Variants in TTC34 observed in about 807,000 individuals in gnomAD.
The protein encoded by TTC34 is tetratricopeptide repeat protein 34.
In TTC34, 44 loss-of-function variants were observed where a neutral mutation model predicts 40.7. That is an observed-to-expected ratio of 1.08 (90% CI 0.85 to 1.39). The LOEUF is 1.39. Among genes scored for constraint, TTC34 ranks in the 40% most tolerant of loss-of-function variants. The pLI is 0.00. For missense variants in TTC34, 884 were observed against 838.0 expected (o/e 1.05, Z -0.68); for synonymous variants, 422 against 398.6 (o/e 1.06, Z -0.70).
At chr1:2,782,576 A>G (rs893916633) in intron 6 of TTC34, among the ~76,000 whole-genome samples, 3 of 151,368 alleles carry the variant, frequency 2.0e-5, no homozygotes, top group African/African-American at 7.3e-5. Flanking sequence ...GTAAAGTTAG[A>G]TTGTTGATTT....
At chr1:2,756,893 A>G in intron 6 of TTC34, among the ~76,000 whole-genome samples, 2 of 152,150 alleles carry the variant, frequency 1.3e-5, no homozygotes, top group South Asian at 4.1e-4. Flanking sequence ...GATGGTCTGG[A>G]GCAGTACCCA....
chr1:2,798,958 C>A (rs1643743060), intron 2 of TTC34, among the ~76,000 whole-genome samples: 1 of 136,840 alleles, frequency 7.3e-6, no homozygotes. Flanking sequence ...AGCCTCCAAG[C>A]CTGCCAGCCT....
chr1:2,649,392 C>T (rs145170637), intron 6 of TTC34, among the ~76,000 whole-genome samples: 50 of 151,816 alleles, frequency 3.3e-4, no homozygotes, highest in East Asian at 5.9e-4. Context: ...CCTGGATCAA[C>T]GCTCAAACCT....
At chr1:2,776,134 G>A (rs539550681) in intron 6 of TTC34, 1 of 137,080 alleles carries the variant, frequency 7.3e-6, no homozygotes, top group African/African-American at 3.1e-5. Context: ...CCTCAGGTGA[G>A]TGTCTGACAG....
At chr1:2,683,677 C>G (rs1297675499) in intron 6 of TTC34, among the ~76,000 whole-genome samples, 5 of 145,404 alleles carry the variant, frequency 3.4e-5, no homozygotes, top group East Asian at 2.0e-4. Context: ...GCTGCACCCC[C>G]AGGTGACGAT....
rs1641272945 is a variant in TTC34 at position 2,750,294 on chromosome 1, G to T, written c.2226+33315C>A. Among the ~76,000 whole-genome samples, 2 of 71,932 alleles carry T rather than the reference G, an allele frequency of 2.8e-5. 1 individual carries two copies. 47.2% of individuals were successfully genotyped at this position (71,932 alleles called of 152,430 possible). ...GAAAAGAGCCCAGACCCCCAGGTGA[G>T]CATCTGACAGACTGGAACTGCACCC... On this transcript the variant is annotated intron_variant, in intron 6 of 8. Transcript: ENST00000401095.
At chr1:2,790,248 G>A (rs1393451550) in exon 3 of TTC34, 5 of 398,328 alleles carry the variant, frequency 1.3e-5, no homozygotes, top group Non-Finnish European at 2.2e-5. Context: ...GGGCTCTCGC[G>A]GAAGGCCTCC....
chr1:2,651,234 C>T (rs559266986), intron 6 of TTC34, among the ~76,000 whole-genome samples: 1 of 152,134 alleles, frequency 6.6e-6, no homozygotes, highest in Non-Finnish European at 1.5e-5. Context: ...CACTCACACC[C>T]CGAGGTGAAT....
exon 9 of TTC34, chr1:2,637,013 TGA>T (rs1343442138): frequency 6.6e-6 from 1 of 152,206 alleles, no homozygotes; most frequent in Non-Finnish European, 1.5e-5. Flanking sequence ...AGAATTTTAT[TGA>T]GAGACGGAAC....
rs868076763 is a variant in TTC34 at position 2,777,692 on chromosome 1, G to T, written c.2226+5917C>A. 5.9e-4 allele frequency among the ~76,000 whole-genome samples: 90 copies of T among 151,952 alleles called. 1 individual carries two copies. Among genetic ancestry groups the T allele is most frequent in the African/African-American group, 1.6e-3 (68 of 41,454 alleles). On this transcript the variant is annotated intron_variant, in intron 6 of 8. Coordinates refer to ENST00000401095, the Ensembl canonical transcript of TTC34. ...AGGGTGAAGAGGCAGAGGGCATGGG[G>T]GGGGGGGCGCAGCATCAGCCCATAT...
chr1:2,645,388 G>A lies in TTC34; in HGVS notation c.2402C>T (p.Thr801Ile). ...CTCCCCCACAGCAAGGAGGCCCTGG[G>A]TGTCCTTGTCCTCGAGAGGGGCCCC... is the stretch of plus-strand genomic sequence containing the variant. Residue 801 changes from threonine (T) to isoleucine (I), a missense_variant, in exon 7 of 9, where the codon ACC becomes ATC. By Grantham distance (89) the Thr-to-Ile change is moderately conservative. Transcript: ENST00000401095. This position sits in a 1 kb window ranked among gnomAD's most constrained non-coding sequence, Gnocchi z 4.7. 1 of 1,535,648 alleles carries A rather than the reference G, an allele frequency of 6.5e-7. No homozygotes were observed. Among genetic ancestry groups the A allele is most frequent in the East Asian group, 2.4e-5 (1 of 40,894 alleles).
chr1:2,687,200 C>T lies in TTC34; in HGVS notation c.2227-41637G>A, dbSNP rs1439881829. 1.4e-5 allele frequency among the ~76,000 whole-genome samples: 2 copies of T among 143,980 alleles called. 1 individual carries two copies. The highest frequency in any genetic ancestry group is 5.4e-5 in the African/African-American group (2 of 36,738). The allele number at this position is 143,980 out of a possible 152,430, so 94.5% of individuals were successfully genotyped here. A position where few individuals can be genotyped will look rare whatever the true frequency, so the allele number is the denominator to read the frequency against. On this transcript the variant is annotated intron_variant, in intron 6 of 8. Coordinates refer to ENST00000401095, the Ensembl canonical transcript of TTC34. ...GCATCTGAACCCACGGAGCAGCACC[C>T]ACACCTCCCGGCGAGCATCCGACAG...
intron 6 of TTC34, among the ~76,000 whole-genome samples, chr1:2,652,113 AG>A (rs1333154937): frequency 3.1e-3 from 19 of 6,150 alleles, no homozygotes; most frequent in Admixed American, 9.1e-3. Flanking sequence ...AGACTGGAAC[AG>A]CACCCTGCAC....
At chr1:2,696,417 C>T (rs1569629305) in intron 6 of TTC34, among the ~76,000 whole-genome samples, 1 of 69,756 alleles carries the variant, frequency 1.4e-5, no homozygotes, top group African/African-American at 4.9e-5. Context: ...GAGCATCCGA[C>T]AGCCTGGAGC....
Position 2,641,910 on chromosome 1 carries a change from CAG to C in TTC34, c.2713-17_2713-16del, listed in dbSNP as rs912425566. The C allele has an allele frequency of 7.6e-6, 11 of 1,456,834 alleles. No homozygotes were observed. The African/African-American group carries it at 1.6e-4, about 21-fold the overall frequency. 90.2% of individuals were successfully genotyped at this position (1,456,834 alleles called of 1,614,324 possible). On this transcript the variant is annotated splice_polypyrimidine_tract_variant and intron_variant, in intron 8 of 8. Transcript: ENST00000401095. ...TGGGCCGCCGCCTGCACAGAGGACA[CAG>C]AGAGAGGCAGGGAGAGTGGGGTCAG...
intron 6 of TTC34, among the ~76,000 whole-genome samples, chr1:2,680,972 C>T (rs1640044281): frequency 2.4e-5 from 2 of 84,522 alleles, no homozygotes; most frequent in Non-Finnish European, 5.6e-5. Flanking sequence ...CAACCTGGAG[C>T]AGCACCCACA....
At chr1:2,749,650 G>C (rs1208494100) in intron 6 of TTC34, among the ~76,000 whole-genome samples, 1,221 of 86,360 alleles carry the variant, frequency 0.014, 42 homozygotes, top group Middle Eastern at 0.025. Context: ...ACACCCAGAG[G>C]TGAGCATCCG....
At chr1:2,686,266 G>C (rs1262753036) in intron 6 of TTC34, among the ~76,000 whole-genome samples, 1 of 139,742 alleles carries the variant, frequency 7.2e-6, no homozygotes, top group African/African-American at 3.0e-5. Flanking sequence ...TGACAGCGTG[G>C]AGGAGCACCC....
chr1:2,688,250 C>T (rs1640461215), intron 6 of TTC34, among the ~76,000 whole-genome samples: 1 of 150,712 alleles, frequency 6.6e-6, no homozygotes, highest in Non-Finnish European at 1.5e-5. Flanking sequence ...CACCCACACC[C>T]CCAGGGGAGC....
Sources: allele counts gnomAD v4.1 joint callset (sites outside exome capture counted in the v4.1 genomes callset), GRCh38; gene constraint gnomAD v4.1.1; non-coding constraint Gnocchi (gnomAD v3.1); transcripts MANE v1.5; gene names NCBI Gene and HGNC (gene_info 2026-07-23, HGNC 2026-07-21).